Variants in LYPLA1 observed in about 807,000 individuals in gnomAD.
LYPLA1 encodes the protein lysophospholipase 1.
LYPLA1 carries 17 observed loss-of-function variants against 34.0 expected under a neutral mutation model. That is an observed-to-expected ratio of 0.50 (90% CI 0.34 to 0.75). The LOEUF is 0.75. Among genes scored for constraint, LYPLA1 ranks in the 30% least tolerant of loss-of-function variants. The pLI, the probability that LYPLA1 is intolerant of heterozygous loss-of-function variation, is 0.01. For synonymous variants in LYPLA1, 98 were observed against 100.8 expected, an observed-to-expected ratio of 0.97 and a Z score of 0.17; for missense variants, 203 against 288.8, an observed-to-expected ratio of 0.70 and a Z score of 2.15.
intron 2 of LYPLA1, among the ~76,000 whole-genome samples, chr8:54,091,237 C>T (rs962277829): frequency 6.6e-6 from 1 of 152,056 alleles, no homozygotes; most frequent in African/African-American, 2.4e-5. Flanking sequence ...CCTGTAATCC[C>T]AGCACTTTGG....
intron 5 of LYPLA1, among the ~76,000 whole-genome samples, chr8:54,059,169 C>T (rs1212815139): frequency 1.3e-5 from 2 of 152,174 alleles, no homozygotes; most frequent in African/African-American, 4.8e-5. Context: ...ATACTTTTGT[C>T]ATCTATTATT....
chr8:54,051,174 A>G lies in LYPLA1; in HGVS notation c.477T>C (p.Gly159=). 6.2e-7 allele frequency: 1 copy of G among 1,612,232 alleles called. No individual in the cohort carries two copies. Among genetic ancestry groups the G allele is most frequent in the Admixed American group, 1.7e-5 (1 of 59,762 alleles). Reference sequence around the variant, plus strand: ...GGAGAATAGAAATATCTCTATTAGCACCACCGATAGGACCCTGCAAAAAGC... The same window carrying G: ...GGAGAATAGAAATATCTCTATTAGCGCCACCGATAGGACCCTGCAAAAAGC... The part of the protein sequence containing the change: ...RASFPQGPIG[G]ANRDISILQC... The change falls in exon 8 of 9, where the codon GGT becomes GGC. Residue 159 remains glycine, a synonymous_variant. Transcript: ENST00000316963.
At chr8:54,058,107 T>C (rs935114086) in intron 5 of LYPLA1, among the ~76,000 whole-genome samples, 9 of 152,220 alleles carry the variant, frequency 5.9e-5, no homozygotes, top group South Asian at 2.1e-4. Flanking sequence ...CAATGAACCA[T>C]AGGCATTTGT....
chr8:54,045,990 G>A (rs188628564), downstream of LYPLA1, among the ~76,000 whole-genome samples: 1,658 of 152,216 alleles, frequency 0.011, 13 homozygotes, highest in Non-Finnish European at 0.016. Flanking sequence ...GAACCTGGGA[G>A]GCAGAGGTTG....
intron 2 of LYPLA1, among the ~76,000 whole-genome samples, chr8:54,089,184 T>C (rs906914494): frequency 6.0e-4 from 92 of 152,318 alleles, no homozygotes; most frequent in African/African-American, 2.1e-3. Context: ...CTGTATACTT[T>C]AAAAGAGTGA....
intron 1 of LYPLA1, chr8:54,101,427 G>C: frequency 9.3e-7 from 1 of 1,077,980 alleles, no homozygotes; most frequent in Non-Finnish European, 1.1e-6. Context: ...TTTCCTGGCG[G>C]ACTTAGGTTT....
At chr8:54,096,432 G>A (rs1247194903) in intron 2 of LYPLA1, among the ~76,000 whole-genome samples, 2 of 151,968 alleles carry the variant, frequency 1.3e-5, no homozygotes, top group East Asian at 1.9e-4. Context: ...GCAAAACCCC[G>A]TCTCTACTAA....
At chr8:54,099,415 C>T (rs528185512) in intron 2 of LYPLA1, among the ~76,000 whole-genome samples, 1 of 152,252 alleles carries the variant, frequency 6.6e-6, no homozygotes, top group African/African-American at 2.4e-5. Flanking sequence ...TGGTGGCTCA[C>T]GCCTGTAATC....
At chr8:54,098,040 T>C (rs1809823010) in intron 2 of LYPLA1, among the ~76,000 whole-genome samples, 1 of 151,856 alleles carries the variant, frequency 6.6e-6, no homozygotes, top group Non-Finnish European at 1.5e-5. Flanking sequence ...CTGGCCAACA[T>C]GATGAAACCC....
intron 2 of LYPLA1, among the ~76,000 whole-genome samples, chr8:54,067,441 TATAA>T: frequency 6.6e-6 from 1 of 152,224 alleles, no homozygotes; most frequent in Non-Finnish European, 1.5e-5. Context: ...ATTGAAAAAT[TATAA>T]ATAATCAAAT....
At chr8:54,053,357 G>T (rs1291763598) in intron 6 of LYPLA1, 1 of 281,990 alleles carries the variant, frequency 3.5e-6, no homozygotes, top group Non-Finnish European at 7.2e-6. Flanking sequence ...GCCTCCCAAA[G>T]TGTTGGGATT....
At chr8:54,100,733 T>C (rs1810064845) in intron 2 of LYPLA1, 175 bp downstream of exon 2, 1 of 615,814 alleles carries the variant, frequency 1.6e-6, no homozygotes, top group Non-Finnish European at 2.9e-6. Context: ...CTCACGATGA[T>C]AAGGGGAAAA....
chr8:54,062,894 G>A (rs1806764511), intron 4 of LYPLA1, among the ~76,000 whole-genome samples: 1 of 152,056 alleles, frequency 6.6e-6, no homozygotes, highest in South Asian at 2.1e-4. Context: ...GTAGCACATA[G>A]GAACAAAAAA....
chr8:54,099,358 A>G (rs1264531720), intron 2 of LYPLA1, among the ~76,000 whole-genome samples: 1 of 152,212 alleles, frequency 6.6e-6, no homozygotes, highest in Non-Finnish European at 1.5e-5. Context: ...CAAAGTTTGT[A>G]TTACATAACT....
intron 6 of LYPLA1, chr8:54,054,495 A>G (rs1396573356): frequency 6.6e-6 from 1 of 152,194 alleles, no homozygotes; most frequent in Non-Finnish European, 1.5e-5. Flanking sequence ...AGGTAATCCA[A>G]ACACTAAGTT....
chr8:54,090,157 T>C (rs1053944658), intron 2 of LYPLA1, among the ~76,000 whole-genome samples: 4 of 152,150 alleles, frequency 2.6e-5, no homozygotes, highest in South Asian at 4.1e-4. Flanking sequence ...AACGGACGCA[T>C]TGGGGGCGCC....
chr8:54,065,929 G>GT, intron 2 of LYPLA1, 116 bp from the exon 3 acceptor site: 1 of 723,388 alleles, frequency 1.4e-6, no homozygotes, highest in Non-Finnish European at 2.4e-6. Context: ...CTAAAAATAT[G>GT]GTTTTTTTTT....
intron 2 of LYPLA1, among the ~76,000 whole-genome samples, chr8:54,097,248 T>TC (rs1254414684): frequency 3.4e-4 from 52 of 152,348 alleles, no homozygotes; most frequent in Admixed American, 1.0e-3. Flanking sequence ...ATCATTAGTC[T>TC]ACTGATGCGC....
intron 2 of LYPLA1, among the ~76,000 whole-genome samples, chr8:54,096,982 GATT>G (rs1273313308): frequency 1.3e-5 from 2 of 151,900 alleles, no homozygotes; most frequent in Non-Finnish European, 2.9e-5. Context: ...GGGAGTAGCA[GATT>G]AATAAACAAA....
Sources: allele counts gnomAD v4.1 joint callset (sites outside exome capture counted in the v4.1 genomes callset), GRCh38; gene constraint gnomAD v4.1.1; transcripts MANE v1.5; gene names NCBI Gene and HGNC (gene_info 2026-07-23, HGNC 2026-07-21).